CYP2A7: variants seen among roughly 807,000 people sequenced by gnomAD.
CYP2A7 encodes the protein cytochrome P450 family 2 subfamily A member 7, also known as cytochrome P450 2A7.
A neutral mutation model predicts 42.0 loss-of-function variants in CYP2A7; 36 were observed. The observed-to-expected ratio is 0.86, with a 90% CI of 0.66 to 1.13. CYP2A7 has a LOEUF of 1.13. Ranked by LOEUF, CYP2A7 falls within the 50% of genes most tolerant of loss-of-function variation. The pLI is 0.00. For missense variants in CYP2A7, 661 were observed against 634.1 expected, an observed-to-expected ratio of 1.04 and a Z score of -0.46; for synonymous variants, 260 against 249.5, an observed-to-expected ratio of 1.04 and a Z score of -0.40.
intron 2 of CYP2A7, 48 bp from the exon 3 acceptor site, chr19:40,880,676 G>T (rs1292061402): frequency 6.3e-7 from 1 of 1,578,116 alleles, no homozygotes; most frequent in Admixed American, 1.8e-5. Context: ...GGCGGCGGTG[G>T]CAGGAGCGGA....
chr19:40,878,702 C>T, intron 5 of CYP2A7, 58 bp downstream of exon 5: 3 of 1,597,018 alleles, frequency 1.9e-6, no homozygotes, highest in Non-Finnish European at 1.7e-6. Context: ...GCCCCACTCC[C>T]AGTCTGATTT....
Position 40,878,787 on chromosome 19 carries a change from G to A in CYP2A7, c.804C>T (p.Ile268=), listed in dbSNP as rs186817628. The A allele has an allele frequency of 5.4e-5, 87 of 1,611,496 alleles. 1 individual carries two copies. Among genetic ancestry groups the A allele is most frequent in the South Asian group, 2.8e-4 (25 of 90,868 alleles). ...TLDPNSPQDF[I]DSFLIHMQEE... ...CCTGCATGTGGATGAGAAAGGAGTC[G>A]ATGAAGTCCTGTGGGGAATTGGGAT... The change falls in exon 5 of 9, where the codon ATC becomes ATT. Residue 268 remains isoleucine, a synonymous_variant. Coordinates refer to ENST00000301146, the MANE Select transcript of CYP2A7 (RefSeq NM_000764.3).
At position 40,882,195 on chromosome 19, in the gene CYP2A7, G is replaced by T. The variant is rs199972709; in HGVS notation, c.16C>A (p.Leu6Met). MLASG[L>M]LLVALLACLT... The stretch of plus-strand genomic sequence containing the variant: ...CAGGCCAGCAAGGCCACCAGAAGCA[G>T]CCCTGAGGCCAGCATGGTGGTAGTG... Residue 6 changes from leucine to methionine, a missense_variant, in exon 1 of 9, where the codon CTG becomes ATG. Leu to Met is a conservative substitution (Grantham distance 15). Transcript: ENST00000301146. 131 of 1,613,308 alleles carry T rather than the reference G, an allele frequency of 8.1e-5. No individual in the cohort carries two copies. Among genetic ancestry groups the T allele is most frequent in the African/African-American group, 5.1e-4 (38 of 75,026 alleles).
intron 5 of CYP2A7, 69 bp downstream of exon 5, chr19:40,878,691 C>G (rs1022960223): frequency 1.9e-6 from 3 of 1,585,982 alleles, no homozygotes; most frequent in Non-Finnish European, 2.6e-6. Flanking sequence ...GTCGTCTGCC[C>G]GCCCCACTCC....
At chr19:40,879,464 G>A (rs145214325) in intron 4 of CYP2A7, among the ~76,000 whole-genome samples, 3 of 151,942 alleles carry the variant, frequency 2.0e-5, no homozygotes, top group African/African-American at 7.2e-5. Flanking sequence ...ACCTATCCAA[G>A]TGCGATGCAC....
chr19:40,880,435 G>C, intron 3 of CYP2A7, 44 bp downstream of exon 3: 1 of 1,601,346 alleles, frequency 6.2e-7, no homozygotes, highest in Non-Finnish European at 8.5e-7. Flanking sequence ...CTCGTCCTGG[G>C]TGTTTTCCTT....
At chr19:40,881,922 A>G (rs1410345743) in intron 1 of CYP2A7, 109 bp downstream of exon 1, 5 of 1,508,696 alleles carry the variant, frequency 3.3e-6, no homozygotes, top group Middle Eastern at 1.8e-4. Context: ...GAAACTCCAA[A>G]ACTCCCTTTC....
In CYP2A7 at chr19:40,877,470, T is replaced by G. The variant is rs893216729; in HGVS notation, c.974-93A>C. On this transcript the variant is annotated intron_variant, in intron 6 of 8. Transcript: ENST00000301146. ...GGTAAAACGGGGTGGATGATACGGC[T>G]CCCCCTATGAGACGGAGGTAGAGCA... 4.3e-5 allele frequency: 67 copies of G among 1,544,274 alleles called. 1 individual carries two copies. Among genetic ancestry groups the G allele is most frequent in the Non-Finnish European group, 5.7e-5 (65 of 1,137,166 alleles).
chr19:40,880,404 A>T, intron 3 of CYP2A7, 75 bp downstream of exon 3: 2 of 1,572,156 alleles, frequency 1.3e-6, no homozygotes, highest in Non-Finnish European at 8.7e-7. Context: ...CCCCATCCGC[A>T]GGCAGAACGC....
chr19:40,878,630 C>G lies in CYP2A7; in HGVS notation c.831+130G>C. The G allele has an allele frequency of 3.0e-6, 4 of 1,333,678 alleles. 1 individual carries two copies. Among genetic ancestry groups the G allele is most frequent in the Non-Finnish European group, 4.1e-6 (4 of 985,146 alleles). 82.6% of individuals were successfully genotyped at this position (1,333,678 alleles called of 1,614,324 possible). On this transcript the variant is annotated intron_variant, in intron 5 of 8. Transcript: ENST00000301146. The stretch of plus-strand genomic sequence containing the variant: ...GATTACAGGCTGTTAGCCACGGCGC[C>G]CAGCCAATTGTGAGGATTATTATGA...
In CYP2A7 at chr19:40,881,760, G is replaced by C. The variant is rs760968318; in HGVS notation, c.181-9C>G. On this transcript the variant is annotated splice_polypyrimidine_tract_variant and intron_variant, in intron 1 of 8. Transcript: ENST00000301146. ...CCATAGCACTCACTGAACTGATGGA[G>C]GCGAGTGGGAGTGGTTAGAGGGAGC... 6 of 1,593,386 alleles carry C rather than the reference G, an allele frequency of 3.8e-6. No homozygotes were observed. The Admixed American group carries it at 7.1e-5, about 19-fold the overall frequency.
Position 40,880,197 on chromosome 19 carries a change from C to G in CYP2A7, c.541G>C (p.Val181Leu), listed in dbSNP as rs757368650. ...TFFLSRTVSNVISSIVFGDRF... is the reference protein window; with the variant it reads ...TFFLSRTVSNLISSIVFGDRF... ...TCCCCAAAGACAATGGAGCTGATGA[C>G]ATTGGAGACTGTGCGGCTCAGGAAG... Residue 181 changes from valine (V) to leucine (L), a missense_variant, in exon 4 of 9, where the codon GTC (valine) becomes CTC (leucine). By Grantham distance (32) the Val-to-Leu change is conservative (BLOSUM62 1). Around this residue, in one of 3 missense-constraint regions of CYP2A7, gnomAD observed 614 missense variants for 552.4 expected, o/e 1.11. Coordinates refer to ENST00000301146, the MANE Select transcript of CYP2A7 (RefSeq NM_000764.3). The G allele has an allele frequency of 1.5e-5, 25 of 1,612,912 alleles. No homozygotes were observed. Among genetic ancestry groups the G allele is most frequent in the Non-Finnish European group, 2.1e-5 (25 of 1,179,244 alleles).
chr19:40,875,939 C>G (rs533905259), intron 8 of CYP2A7, 65 bp from the exon 9 acceptor site: 6 of 1,477,450 alleles, frequency 4.1e-6, no homozygotes, highest in South Asian at 1.4e-5. Flanking sequence ...GCCCCAGTAC[C>G]GACCTCCAGC....
chr19:40,881,210 G>A (rs1467019259), intron 2 of CYP2A7, among the ~76,000 whole-genome samples: 1 of 151,380 alleles, frequency 6.6e-6, no homozygotes, highest in African/African-American at 2.4e-5. Context: ...AAAAGTGAGA[G>A]AGGGAAGTGG....
chr19:40,878,385 CAATT>C (rs1325891854), intron 5 of CYP2A7, among the ~76,000 whole-genome samples: 5 of 151,830 alleles, frequency 3.3e-5, no homozygotes, highest in Middle Eastern at 3.4e-3. Flanking sequence ...ACTTTTTAAA[CAATT>C]AATTAATTTT....
chr19:40,880,012 A>G (rs1170815045), intron 4 of CYP2A7, 72 bp downstream of exon 4: 30 of 1,586,968 alleles, frequency 1.9e-5, no homozygotes, highest in Non-Finnish European at 2.3e-5. Context: ...AGTTTGGGGC[A>G]CCTGTCTCCA....
chr19:40,876,373 A>G, intron 8 of CYP2A7, 154 bp downstream of exon 8: 3 of 1,250,878 alleles, frequency 2.4e-6, no homozygotes, highest in Non-Finnish European at 3.5e-6. Context: ...GGTGCTTGGT[A>G]GTTAAGGAAG....
rs534396743 is a variant in CYP2A7, at chr19:40,880,501, G to T, written c.471C>A (p.Ile157=). Residue 157 remains isoleucine (I), a synonymous_variant, in exon 3 of 9, where the codon ATC becomes ATA. Transcript: ENST00000301146. ...ERIQEESGFL[I]EAIRSTHGAN... ...CACCGTGCGTGCTCCGGATGGCCTC[G>T]ATGAGGAAGCCCGACTCCTCCTGGA... The T allele has an allele frequency of 7.4e-6, 12 of 1,612,574 alleles. 1 individual carries two copies. Among genetic ancestry groups the T allele is most frequent in the Middle Eastern group, 1.7e-4 (1 of 6,060 alleles).
At position 40,877,296 on chromosome 19, in the gene CYP2A7, A is replaced by G. The variant is rs777871002; in HGVS notation, c.1055T>C (p.Met352Thr). ...KFEDRTKMPY[M>T]EAVIHEIQRF... is the part of the protein sequence containing the mutation. ...TTGGATCTCGTGGATCACTGCCTCC[A>G]TGTAGGGCATCTTGGTCCGGTCCTC... is the stretch of plus-strand genomic sequence containing the variant. Residue 352 changes from methionine to threonine, a missense_variant, in exon 7 of 9, where the codon ATG becomes ACG. By Grantham distance (81) the Met-to-Thr change is moderately conservative. Around this residue, in one of 3 missense-constraint regions of CYP2A7, gnomAD observed 614 missense variants for 552.4 expected, o/e 1.11. Transcript: ENST00000301146. 4 of 1,612,628 alleles carry G rather than the reference A, an allele frequency of 2.5e-6. No homozygotes were observed. Among genetic ancestry groups the G allele is most frequent in the Non-Finnish European group, 3.4e-6 (4 of 1,179,184 alleles).
Sources: gnomAD v4.1 joint callset for allele counts (sites outside exome capture counted in the v4.1 genomes callset) on GRCh38, gnomAD v4.1.1 for gene constraint, gnomAD v4.1.1 regional missense constraint, MANE v1.5 for transcripts, NCBI Gene and HGNC (gene_info 2026-07-23, HGNC 2026-07-21) for gene names.